The following AK8 variants were observed in gnomAD, a reference collection of about 807,000 sequenced individuals.
The protein encoded by AK8 is adenylate kinase 8.
Under a neutral mutation model 54.6 loss-of-function variants are expected in AK8, and 44 were observed. That is an observed-to-expected ratio of 0.81 (90% CI 0.63 to 1.04). The LOEUF (loss-of-function observed/expected upper bound fraction) is 1.04. AK8 is among the 50% of genes least tolerant of loss of function. The pLI is 0.00. For synonymous variants in AK8, 239 were observed against 245.6 expected, an observed-to-expected ratio of 0.97 and a Z score of 0.25; for missense variants, 555 against 613.6, an observed-to-expected ratio of 0.90 and a Z score of 1.01.
chr9:132,756,375 C>G lies in AK8; in HGVS notation c.1122-28841G>C, dbSNP rs376486250. On this transcript the variant is annotated intron_variant, in intron 11 of 12. Coordinates refer to ENST00000298545, the MANE Select transcript of AK8 (RefSeq NM_152572.3). The stretch of plus-strand genomic sequence containing the variant: ...CGGGCCCAACTCTCTCCTAGAGGCA[C>G]CTTGAGGTGTGGAGCTTGGCTCCGA... Among the ~76,000 whole-genome samples, 19 of 152,356 alleles carry G rather than the reference C, an allele frequency of 1.2e-4. No individual in the cohort carries two copies. In the East Asian group the frequency reaches 3.5e-3, roughly 28 times the overall value.
chr9:132,743,719 C>T (rs184565853), intron 11 of AK8, among the ~76,000 whole-genome samples: 7 of 152,292 alleles, frequency 4.6e-5, no homozygotes, highest in Non-Finnish European at 8.8e-5. Context: ...TATTTCCTAC[C>T]TGCCGGGCAC....
chr9:132,798,889 C>G (rs1354312950), intron 10 of AK8, among the ~76,000 whole-genome samples: 1 of 152,150 alleles, frequency 6.6e-6, no homozygotes, highest in Non-Finnish European at 1.5e-5. Flanking sequence ...CGTGTCCCAC[C>G]CTCCTGTCTC....
Position 132,814,656 on chromosome 9 carries a change from A to T in AK8, c.961T>A (p.Phe321Ile). ...TTFGELIQPF[F>I]EKEMAVPDSL... is the part of the protein sequence containing the mutation. ...GGCCTACCTGCCATCTCCTTTTCAA[A>T]GAAGGGCTGGATGAGCTCGCCAAAC... Residue 321 changes from phenylalanine to isoleucine, a missense_variant, in exon 10 of 13, where the codon TTT (phenylalanine) becomes ATT (isoleucine). Coordinates refer to ENST00000298545, the MANE Select transcript of AK8 (RefSeq NM_152572.3). 1 of 1,614,138 alleles carries T rather than the reference A, an allele frequency of 6.2e-7. No individual in the cohort carries two copies.
chr9:132,877,073 A>G (rs192271222), intron 1 of AK8, among the ~76,000 whole-genome samples: 148 of 152,264 alleles, frequency 9.7e-4, no homozygotes, highest in African/African-American at 3.3e-3. Context: ...TTCAAAATCA[A>G]TAAAAGCTTT....
At chr9:132,853,157 G>A (rs1843035457) in intron 5 of AK8, among the ~76,000 whole-genome samples, 1 of 151,846 alleles carries the variant, frequency 6.6e-6, no homozygotes. Flanking sequence ...AGGAGTTCAA[G>A]ATCAGCCTGG....
chr9:132,872,672 T>G (rs944789697), intron 2 of AK8, among the ~76,000 whole-genome samples: 3 of 151,870 alleles, frequency 2.0e-5, no homozygotes, highest in Non-Finnish European at 4.4e-5. Flanking sequence ...CTTACTCTGT[T>G]GCCCAGGCTG....
chr9:132,794,126 T>C (rs1256274230), intron 10 of AK8, among the ~76,000 whole-genome samples: 2 of 152,370 alleles, frequency 1.3e-5, no homozygotes, highest in Admixed American at 6.5e-5. Context: ...TTTCCCTGAA[T>C]GTGTTCTCTC....
At chr9:132,749,854 G>A (rs1837822579) in intron 11 of AK8, among the ~76,000 whole-genome samples, 1 of 151,930 alleles carries the variant, frequency 6.6e-6, no homozygotes, top group African/African-American at 2.4e-5. Context: ...AACCGGCGCA[G>A]AGAACAGACG....
chr9:132,761,767 CCTTT>C (rs1422446088), intron 11 of AK8, among the ~76,000 whole-genome samples: 3 of 151,758 alleles, frequency 2.0e-5, no homozygotes, highest in Admixed American at 6.6e-5. Flanking sequence ...TTCTTTCTTT[CCTTT>C]CTTTCTTCCT....
intron 11 of AK8, among the ~76,000 whole-genome samples, chr9:132,730,967 T>C (rs1191193726): frequency 2.0e-5 from 3 of 152,162 alleles, no homozygotes; most frequent in Non-Finnish European, 2.9e-5. Context: ...GCCTTTTCAT[T>C]CTCCTGATTC....
chr9:132,785,014 G>A (rs1397830631), intron 11 of AK8, among the ~76,000 whole-genome samples: 2 of 151,596 alleles, frequency 1.3e-5, no homozygotes, highest in Non-Finnish European at 2.9e-5. Flanking sequence ...GACTGGCACA[G>A]AAAAATTTCA....
intron 12 of AK8, among the ~76,000 whole-genome samples, chr9:132,726,158 G>A (rs760524500): frequency 2.0e-5 from 3 of 152,064 alleles, no homozygotes; most frequent in Non-Finnish European, 4.4e-5. Flanking sequence ...ATCAGTGATA[G>A]GAGGACAGAA....
At chr9:132,853,552 T>C (rs889189242) in intron 5 of AK8, among the ~76,000 whole-genome samples, 4 of 151,390 alleles carry the variant, frequency 2.6e-5, no homozygotes, top group Admixed American at 1.3e-4. Context: ...TCTCAACACA[T>C]TGGGAGGCCA....
At chr9:132,840,340 G>A (rs1002566293) in intron 5 of AK8, among the ~76,000 whole-genome samples, 6 of 151,680 alleles carry the variant, frequency 4.0e-5, no homozygotes, top group South Asian at 2.1e-4. Flanking sequence ...CATTACGCTC[G>A]CGTTTGGCAA....
At position 132,803,335 on chromosome 9, in the gene AK8, G is replaced by A. The variant is rs115972393; in HGVS notation, c.980-10560C>T. On this transcript the variant is annotated intron_variant, in intron 10 of 12. Coordinates refer to ENST00000298545, the MANE Select transcript of AK8 (RefSeq NM_152572.3). The surrounding 1 kb of genome is among the most constrained non-coding windows in gnomAD (Gnocchi z 4.4). Reference sequence around the variant, plus strand: ...TTTGTCAGTTCCCAGTTACCGCAGGGACTAGGTCCCCAAAGCTGGTAGCAG... The same window carrying A: ...TTTGTCAGTTCCCAGTTACCGCAGGAACTAGGTCCCCAAAGCTGGTAGCAG... Among the ~76,000 whole-genome samples, 11,834 of 152,036 alleles carry A rather than the reference G, an allele frequency of 0.078. 542 individuals are homozygous for A. The highest frequency in any genetic ancestry group is 0.12 in the Admixed American group (1,888 of 15,266).
chr9:132,761,645 A>T (rs1309271120), intron 11 of AK8, among the ~76,000 whole-genome samples: 4 of 152,128 alleles, frequency 2.6e-5, no homozygotes, highest in Non-Finnish European at 5.9e-5. Context: ...ATGTATTGCC[A>T]TAAAGTTGTT....
In AK8 at chr9:132,835,007, C is replaced by A. The variant is rs181915146; in HGVS notation, c.403-6281G>T. On this transcript the variant is annotated intron_variant, in intron 5 of 12. Transcript: ENST00000298545. ...GCCTCAGCCTCCCAAGTAGCTGGGACTACAGGCGCATGCCACTACGCCCAG... is the reference window on the plus strand; with the variant it reads ...GCCTCAGCCTCCCAAGTAGCTGGGAATACAGGCGCATGCCACTACGCCCAG... Among the ~76,000 whole-genome samples the A allele has an allele frequency of 3.2e-3, 484 of 152,140 alleles. 1 individual carries two copies. Among genetic ancestry groups the A allele is most frequent in the Admixed American group, 7.1e-3 (108 of 15,280 alleles).
At chr9:132,748,000 G>A (rs762140380) in intron 11 of AK8, among the ~76,000 whole-genome samples, 2 of 151,452 alleles carry the variant, frequency 1.3e-5, no homozygotes, top group Non-Finnish European at 3.0e-5. Context: ...TTGGGAGGCT[G>A]AGGCAGGAGA....
chr9:132,733,004 T>C (rs1331325754), intron 11 of AK8, among the ~76,000 whole-genome samples: 3 of 152,150 alleles, frequency 2.0e-5, no homozygotes, highest in African/African-American at 7.2e-5. Context: ...ACTTTGCCCA[T>C]GCTGTTCGCT....
Sources: allele counts gnomAD v4.1 joint callset (sites outside exome capture counted in the v4.1 genomes callset), GRCh38; gene constraint gnomAD v4.1.1; non-coding constraint Gnocchi (gnomAD v3.1); transcripts MANE v1.5; gene names NCBI Gene and HGNC (gene_info 2026-07-23, HGNC 2026-07-21).